Variants in MGAT4C observed in about 807,000 individuals in gnomAD.
MGAT4C encodes the protein MGAT4 family member C.
In MGAT4C, 19 loss-of-function variants were observed where a neutral mutation model predicts 40.1. The ratio of observed to expected loss-of-function variants is 0.47; its 90% CI spans 0.33 to 0.70. The LOEUF (loss-of-function observed/expected upper bound fraction) is 0.70. MGAT4C is among the 30% of genes least tolerant of loss of function. The probability of loss-of-function intolerance (pLI) is 0.02; values close to 1 mark genes in which losing one functional copy is unlikely to be tolerated. For synonymous variants in MGAT4C, 181 were observed against 187.1 expected (o/e 0.97, Z 0.27); for missense variants, 491 against 563.2 (o/e 0.87, Z 1.30).
chr12:86,353,057 T>A (rs949038859), intron 3 of MGAT4C, among the ~76,000 whole-genome samples: 6 of 149,498 alleles, frequency 4.0e-5, no homozygotes, highest in Non-Finnish European at 7.4e-5. Flanking sequence ...ATAAATAAAA[T>A]AAATTATAAA....
Position 86,065,220 on chromosome 12 carries a change from C to A in MGAT4C, c.-56-15497G>T, listed in dbSNP as rs1436425416. On this transcript the variant is annotated intron_variant, in intron 1 of 4. Coordinates refer to ENST00000611864, the MANE Select transcript of MGAT4C (RefSeq NM_001351288.2). ...TCCCTAACTCATTTTATGAGGCCAG[C>A]AGCATCCTAATACCAAAACATGGCA... Among the ~76,000 whole-genome samples the A allele has an allele frequency of 3.9e-5, 6 of 152,152 alleles. 1 individual carries two copies. The highest frequency in any genetic ancestry group is 3.9e-4 in the East Asian group (2 of 5,184).
In MGAT4C at chr12:85,959,773, A is replaced by G. The variant is rs1305657816; in HGVS notation, c.*19516T>C. On this transcript the variant is annotated 3_prime_UTR_variant, in exon 5 of 5. Transcript: ENST00000611864. The stretch of plus-strand genomic sequence containing the variant: ...ATATTCATTGTTTTCTTCTGGGTTA[A>G]CTCTTTTTTATGTTAACTGAATCAA... The G allele has an allele frequency of 2.0e-5, 3 of 148,648 alleles. No homozygotes were observed. The highest frequency in any genetic ancestry group is 7.4e-5 in the African/African-American group (3 of 40,432). The allele number at this position is 148,648 out of a possible 1,614,324, so 9.2% of individuals were successfully genotyped here. A position where few individuals can be genotyped will look rare whatever the true frequency, so the allele number is the denominator to read the frequency against.
chr12:86,308,718 TC>T (rs754821859), intron 4 of MGAT4C, among the ~76,000 whole-genome samples: 1 of 150,534 alleles, frequency 6.6e-6, no homozygotes, highest in South Asian at 2.1e-4. Flanking sequence ...AATACAGAAG[TC>T]CCCAGTAGAT....
At chr12:86,445,126 G>A (rs1389655423) in intron 2 of MGAT4C, among the ~76,000 whole-genome samples, 1 of 152,140 alleles carries the variant, frequency 6.6e-6, no homozygotes, top group African/African-American at 2.4e-5. Context: ...GGTTTCAGTA[G>A]TATATACACG....
intron 2 of MGAT4C, among the ~76,000 whole-genome samples, chr12:86,465,128 A>G (rs903736600): frequency 2.0e-5 from 3 of 151,192 alleles, no homozygotes; most frequent in African/African-American, 7.3e-5. Context: ...TCTCCACTGA[A>G]AAATATTTTT....
In MGAT4C at chr12:86,454,570, TAGAC is replaced by T. The variant is rs550466155; in HGVS notation, c.-228-19309_-228-19306del. 4.9e-3 allele frequency among the ~76,000 whole-genome samples: 744 copies of T among 152,180 alleles called. 3 individuals are homozygous for T. Among genetic ancestry groups the T allele is most frequent in the Middle Eastern group, 0.01 (3 of 294 alleles). On this transcript the variant is annotated intron_variant, in intron 2 of 7. Coordinates refer to the MGAT4C transcript ENST00000548651. ...AAAAACATGAAGATTGATAGGTAGA[TAGAC>T]AGACAGACACATTGCTACACAAAAG...
In MGAT4C at chr12:86,639,421, A is replaced by G. The variant is rs925993582; in HGVS notation, c.-229+87788T>C. 1.3e-5 allele frequency among the ~76,000 whole-genome samples: 2 copies of G among 151,744 alleles called. 1 individual carries two copies. Among genetic ancestry groups the G allele is most frequent in the Non-Finnish European group, 3.0e-5 (2 of 67,784 alleles). On this transcript the variant is annotated intron_variant, in intron 2 of 7. Transcript: ENST00000548651. ...TTTTTGGGACATTCTTAATGAACATAAAAAATATATATTTTGCCTGAATTA... is the reference window on the plus strand; with the variant it reads ...TTTTTGGGACATTCTTAATGAACATGAAAAATATATATTTTGCCTGAATTA...
intron 2 of MGAT4C, among the ~76,000 whole-genome samples, chr12:86,577,850 TG>T (rs1157383656): frequency 6.6e-6 from 1 of 151,904 alleles, no homozygotes; most frequent in South Asian, 2.1e-4. Context: ...TCTTCAAATA[TG>T]TTTTTTTATT....
intron 2 of MGAT4C, among the ~76,000 whole-genome samples, chr12:86,676,676 C>T (rs556888608): frequency 6.6e-6 from 1 of 150,958 alleles, no homozygotes; most frequent in Non-Finnish European, 1.5e-5. Context: ...AACTCTAATG[C>T]CAGGAGTTAG....
At chr12:86,751,773 G>C (rs1207738857) in intron 1 of MGAT4C, among the ~76,000 whole-genome samples, 1 of 151,858 alleles carries the variant, frequency 6.6e-6, no homozygotes, top group Non-Finnish European at 1.5e-5. Context: ...CCTTAAGAAA[G>C]GCAAAATATC....
At chr12:86,334,096 C>G (rs917702210) in exon 4 of MGAT4C, 2 of 152,078 alleles carry the variant, frequency 1.3e-5, no homozygotes, top group Admixed American at 1.3e-4. Context: ...GCCTTTCTCA[C>G]GCAGAATCAG....
chr12:86,689,043 C>G (rs1950125734), intron 2 of MGAT4C, among the ~76,000 whole-genome samples: 1 of 151,900 alleles, frequency 6.6e-6, no homozygotes, highest in African/African-American at 2.4e-5. Flanking sequence ...TTTGGTCATT[C>G]TTTTTCATTT....
chr12:86,201,995 A>G (rs897591779), intron 1 of MGAT4C, among the ~76,000 whole-genome samples: 3 of 116,438 alleles, frequency 2.6e-5, no homozygotes, highest in African/African-American at 8.9e-5. Flanking sequence ...TTGACCATGT[A>G]TCCAGTGAAT....
chr12:86,465,903 C>T (rs978972262), intron 2 of MGAT4C, among the ~76,000 whole-genome samples: 3 of 151,878 alleles, frequency 2.0e-5, no homozygotes, highest in Non-Finnish European at 4.4e-5. Context: ...GTTGAAAATA[C>T]GTCCCATCAA....
intron 2 of MGAT4C, among the ~76,000 whole-genome samples, chr12:86,653,758 T>C (rs953894394): frequency 2.0e-5 from 3 of 148,484 alleles, no homozygotes; most frequent in African/African-American, 7.8e-5. Context: ...TTAAAGATTC[T>C]ATTCAGGATA....
intron 1 of MGAT4C, among the ~76,000 whole-genome samples, chr12:86,231,526 A>T (rs1951324021): frequency 6.6e-6 from 1 of 152,200 alleles, no homozygotes. Context: ...TATGTACAAC[A>T]ATCATCACAA....
chr12:86,679,364 G>C (rs1394243472), intron 2 of MGAT4C, among the ~76,000 whole-genome samples: 3 of 152,034 alleles, frequency 2.0e-5, no homozygotes, highest in Non-Finnish European at 4.4e-5. Context: ...ATACAGACCA[G>C]ATCATAGATC....
chr12:86,303,790 A>G (rs1170365714), intron 4 of MGAT4C, among the ~76,000 whole-genome samples: 1 of 150,522 alleles, frequency 6.6e-6, no homozygotes, highest in Admixed American at 6.6e-5. Context: ...TTGCTAGAAC[A>G]TATTAGTTTT....
chr12:86,418,235 G>A (rs748118109), intron 3 of MGAT4C, among the ~76,000 whole-genome samples: 10 of 152,088 alleles, frequency 6.6e-5, no homozygotes, highest in Non-Finnish European at 1.2e-4. Context: ...CATATGATTT[G>A]TGAATCATTC....
Sources: allele counts gnomAD v4.1 joint callset (sites outside exome capture counted in the v4.1 genomes callset), GRCh38; gene constraint gnomAD v4.1.1; transcripts MANE v1.5; gene names NCBI Gene and HGNC (gene_info 2026-07-23, HGNC 2026-07-21).